Variants in RAB3C observed in about 807,000 individuals in gnomAD.
The protein encoded by RAB3C is ras-related protein Rab-3C.
A neutral mutation model predicts 26.4 loss-of-function variants in RAB3C; 17 were observed. That is an observed-to-expected ratio of 0.64 (90% CI 0.44 to 0.97). The LOEUF (loss-of-function observed/expected upper bound fraction) is 0.97. RAB3C is among the 50% of genes least tolerant of loss of function. RAB3C has a pLI of 0.00. For synonymous variants in RAB3C, 91 were observed against 95.9 expected, an observed-to-expected ratio of 0.95 and a Z score of 0.30; for missense variants, 242 against 281.9, an observed-to-expected ratio of 0.86 and a Z score of 1.01.
intron 4 of RAB3C, among the ~76,000 whole-genome samples, chr5:58,825,714 A>T (rs1174443616): frequency 1.3e-5 from 2 of 152,184 alleles, no homozygotes; most frequent in African/African-American, 2.4e-5. Flanking sequence ...ATCAAATGAG[A>T]TAATAGATAT....
chr5:58,823,798 C>T (rs1403703546), intron 3 of RAB3C: 1 of 151,858 alleles, frequency 6.6e-6, no homozygotes, highest in African/African-American at 2.4e-5. Context: ...CATATGTATA[C>T]ATGTGCCATG....
At chr5:58,740,183 T>A (rs34108544) in intron 3 of RAB3C, among the ~76,000 whole-genome samples, 19,740 of 152,210 alleles carry the variant, frequency 0.13, 1,625 homozygotes, top group Non-Finnish European at 0.19. Flanking sequence ...CACAAAGCAG[T>A]TCAGGAGCCC....
At chr5:58,653,950 C>G (rs2111792058) in intron 2 of RAB3C, among the ~76,000 whole-genome samples, 1 of 152,272 alleles carries the variant, frequency 6.6e-6, no homozygotes, top group South Asian at 2.1e-4. Flanking sequence ...ATACCAGCAG[C>G]CTTAAGAATA....
At chr5:58,700,903 T>A (rs1252635559) in intron 2 of RAB3C, among the ~76,000 whole-genome samples, 4 of 152,180 alleles carry the variant, frequency 2.6e-5, no homozygotes, top group Non-Finnish European at 5.9e-5. Flanking sequence ...CATTAATTCC[T>A]CCTTTATGGA....
At chr5:58,598,529 C>A (rs1746376435) in intron 1 of RAB3C, among the ~76,000 whole-genome samples, 1 of 152,022 alleles carries the variant, frequency 6.6e-6, no homozygotes, top group Admixed American at 6.6e-5. Flanking sequence ...TCCACTTGCT[C>A]TTAAGGATTT....
chr5:58,754,839 G>A (rs58120478), intron 3 of RAB3C, among the ~76,000 whole-genome samples: 1,634 of 151,936 alleles, frequency 0.011, 29 homozygotes, highest in African/African-American at 0.037. Flanking sequence ...CCACCTCCAC[G>A]GCTTCAGCAT....
upstream of RAB3C, chr5:58,582,987 G>T (rs1165291519): frequency 7.7e-7 from 1 of 1,294,962 alleles, no homozygotes; most frequent in African/African-American, 1.5e-5. Flanking sequence ...CGTTTGCCGG[G>T]AACACCCGGA....
At chr5:58,796,356 A>C (rs1742648928) in intron 3 of RAB3C, among the ~76,000 whole-genome samples, 1 of 152,176 alleles carries the variant, frequency 6.6e-6, no homozygotes, top group South Asian at 2.1e-4. Flanking sequence ...CAGATACATG[A>C]CACTTGGCAT....
rs138564214 is a variant in RAB3C, at chr5:58,708,462, C to T, written c.253-17540C>T. Among the ~76,000 whole-genome samples the T allele has an allele frequency of 3.9e-5, 6 of 152,278 alleles. No individual in the cohort carries two copies. In the East Asian group the frequency reaches 7.7e-4, roughly 20 times the overall value. On this transcript the variant is annotated intron_variant, in intron 2 of 4. Coordinates refer to ENST00000282878, the MANE Select transcript of RAB3C (RefSeq NM_138453.4). ...GGATCAGACCCTGACCTTATTAGCA[C>T]GGCATGATCATCATGCCTGGCATAA... is the stretch of plus-strand genomic sequence containing the variant.
intron 2 of RAB3C, among the ~76,000 whole-genome samples, chr5:58,663,738 G>A (rs1042081197): frequency 6.6e-6 from 1 of 152,106 alleles, no homozygotes; most frequent in South Asian, 2.1e-4. Context: ...ATATTAGAAT[G>A]GATGCAGTAG....
intron 3 of RAB3C, among the ~76,000 whole-genome samples, chr5:58,762,459 G>A (rs764320933): frequency 2.3e-4 from 35 of 152,160 alleles, no homozygotes; most frequent in Non-Finnish European, 4.4e-4. Flanking sequence ...CTGGGAGGCC[G>A]AGGCAAGTGG....
chr5:58,600,120 T>C lies in RAB3C; in HGVS notation c.24+16888T>C, dbSNP rs375904791. On this transcript the variant is annotated intron_variant, in intron 1 of 4. Coordinates refer to ENST00000282878, the MANE Select transcript of RAB3C (RefSeq NM_138453.4). ...TTGAAAAAGGGGGACTTTATGTTTT[T>C]GTTTGCTTTGTCGAAAATCAGTTGG... 3.2e-3 allele frequency among the ~76,000 whole-genome samples: 484 copies of C among 152,306 alleles called. 1 individual carries two copies. Among genetic ancestry groups the C allele is most frequent in the South Asian group, 0.011 (53 of 4,822 alleles).
intron 3 of RAB3C, chr5:58,794,637 T>TA (rs1238120336): frequency 5.9e-5 from 9 of 152,184 alleles, no homozygotes; most frequent in African/African-American, 1.7e-4. Context: ...AATTATTTAT[T>TA]AAAAAAACAT....
At chr5:58,843,875 C>T (rs1287034827) in intron 4 of RAB3C, among the ~76,000 whole-genome samples, 1 of 152,294 alleles carries the variant, frequency 6.6e-6, no homozygotes, top group East Asian at 1.9e-4. Flanking sequence ...TCCATTTCCC[C>T]ATTAACCCCA....
chr5:58,693,256 T>C (rs1424602076), intron 2 of RAB3C, among the ~76,000 whole-genome samples: 1 of 145,160 alleles, frequency 6.9e-6, no homozygotes, highest in Non-Finnish European at 1.5e-5. Context: ...TAAATTTAAT[T>C]ATATAAATAT....
intron 4 of RAB3C, among the ~76,000 whole-genome samples, chr5:58,848,848 TC>T (rs1744056565): frequency 6.6e-6 from 1 of 152,204 alleles, no homozygotes; most frequent in African/African-American, 2.4e-5. Flanking sequence ...TGGGGCTAGA[TC>T]CCACATCTTT....
intron 1 of RAB3C, among the ~76,000 whole-genome samples, chr5:58,611,213 T>C (rs1579815623): frequency 6.6e-6 from 1 of 152,336 alleles, no homozygotes; most frequent in East Asian, 1.9e-4. Context: ...CTCTTTATAA[T>C]AGAACAATGT....
chr5:58,645,841 G>A (rs1014160546), intron 2 of RAB3C, among the ~76,000 whole-genome samples: 6 of 152,108 alleles, frequency 3.9e-5, no homozygotes, highest in Non-Finnish European at 8.8e-5. Flanking sequence ...AGTGGACCTG[G>A]GGCCCACAGA....
chr5:58,593,435 AGTGC>A (rs1344391481), intron 1 of RAB3C, among the ~76,000 whole-genome samples: 1 of 152,184 alleles, frequency 6.6e-6, no homozygotes, highest in Non-Finnish European at 1.5e-5. Context: ...TAATAACATT[AGTGC>A]TTTGATTATC....
Sources: gnomAD v4.1 joint callset for allele counts (sites outside exome capture counted in the v4.1 genomes callset) on GRCh38, gnomAD v4.1.1 for gene constraint, MANE v1.5 for transcripts, NCBI Gene and HGNC (gene_info 2026-07-23, HGNC 2026-07-21) for gene names.